The following RIC1 variants were observed in gnomAD, a reference collection of about 807,000 sequenced individuals.
RIC1 encodes the protein guanine nucleotide exchange factor subunit RIC1.
RIC1 carries 88 observed loss-of-function variants against 169.0 expected under a neutral mutation model. That is an observed-to-expected ratio of 0.52 (90% CI 0.44 to 0.62). RIC1 has a LOEUF of 0.62. Ranked by LOEUF, RIC1 falls within the 20% of genes least tolerant of loss-of-function variation. RIC1 has a pLI of 0.00. For missense variants in RIC1, 1,877 were observed against 1,725.5 expected (o/e 1.09, Z -1.56); for synonymous variants, 790 against 601.5 (o/e 1.31, Z -4.59).
At chr9:5,723,968 A>T (rs1381731840) in intron 6 of RIC1, among the ~76,000 whole-genome samples, 3 of 152,078 alleles carry the variant, frequency 2.0e-5, no homozygotes, top group African/African-American at 4.8e-5. Flanking sequence ...GTAGCCTTGT[A>T]GTATAGTTTG....
At chr9:5,742,821 T>A (rs747110437) in intron 8 of RIC1, 48 bp from the exon 9 acceptor site, 8 of 1,451,962 alleles carry the variant, frequency 5.5e-6, no homozygotes, top group Non-Finnish European at 7.5e-6. Context: ...AAACAAGTAT[T>A]TCTGAAGCAA....
intron 6 of RIC1, among the ~76,000 whole-genome samples, chr9:5,722,784 A>T (rs1331585712): frequency 1.3e-5 from 2 of 150,688 alleles, no homozygotes; most frequent in African/African-American, 2.4e-5. Context: ...TTCAATTCCC[A>T]CCTATGAATC....
intron 12 of RIC1, among the ~76,000 whole-genome samples, chr9:5,749,365 A>G (rs1035292445): frequency 6.6e-6 from 1 of 152,194 alleles, no homozygotes. Context: ...GGCAGTATAC[A>G]GTGTCTATAT....
In RIC1 at chr9:5,773,068, C is replaced by T. The variant is rs1473453001; in HGVS notation, c.3971C>T (p.Ala1324Val). ...GGGCTCCATGCAGTGGACCGATGGG[C>T]CTCTACAGACTGGTAAGTGCTGCTT... ...KTGLHAVDRW[A>V]STDCPGYKPF... The change falls in exon 25 of 26, where the codon GCC (alanine) becomes GTC (valine). Residue 1324 changes from alanine (A) to valine (V), a missense_variant. Physicochemically the swap from Ala to Val is moderately conservative, Grantham distance 64 (BLOSUM62 0). Transcript: ENST00000414202. 4 of 1,607,780 alleles carry T rather than the reference C, an allele frequency of 2.5e-6. No homozygotes were observed. The highest frequency in any genetic ancestry group is 2.2e-5 in the East Asian group (1 of 44,788).
chr9:5,655,509 C>T (rs1819041974), intron 1 of RIC1, among the ~76,000 whole-genome samples: 1 of 152,126 alleles, frequency 6.6e-6, no homozygotes, highest in Non-Finnish European at 1.5e-5. Context: ...CCATATTGGC[C>T]AGGCTGGTCG....
intron 22 of RIC1, 152 bp downstream of exon 22, chr9:5,769,408 C>A: frequency 6.4e-7 from 1 of 1,564,530 alleles, no homozygotes; most frequent in African/African-American, 1.4e-5. Context: ...GTTGGAATGC[C>A]CACTGTTTGA....
At chr9:5,739,026 A>G (rs1419083642) in intron 8 of RIC1, among the ~76,000 whole-genome samples, 1 of 152,100 alleles carries the variant, frequency 6.6e-6, no homozygotes, top group African/African-American at 2.4e-5. Flanking sequence ...CCACTGTTAG[A>G]TCTGACATAC....
At chr9:5,666,047 G>T (rs1199930557) in intron 2 of RIC1, among the ~76,000 whole-genome samples, 1 of 152,182 alleles carries the variant, frequency 6.6e-6, no homozygotes, top group African/African-American at 2.4e-5. Flanking sequence ...CTGAATGCCA[G>T]TGTGGCAGCC....
At chr9:5,670,719 A>G (rs1820038313) in intron 2 of RIC1, among the ~76,000 whole-genome samples, 2 of 152,206 alleles carry the variant, frequency 1.3e-5, no homozygotes. Flanking sequence ...AATACAATTG[A>G]TTTATCAAGA....
intron 2 of RIC1, among the ~76,000 whole-genome samples, chr9:5,678,737 G>T (rs897149329): frequency 6.6e-6 from 1 of 152,146 alleles, no homozygotes; most frequent in African/African-American, 2.4e-5. Flanking sequence ...GTAGATTCTG[G>T]ATATTAGCCC....
Position 5,656,709 on chromosome 9 carries a change from TA to T in RIC1, c.252+22del. The T allele has an allele frequency of 7.4e-7, 1 of 1,342,430 alleles. No homozygotes were observed. Among genetic ancestry groups the T allele is most frequent in the Non-Finnish European group, 1.1e-6 (1 of 948,644 alleles). 83.2% of individuals were successfully genotyped at this position (1,342,430 alleles called of 1,614,324 possible). ...TGTATCAGTAAGTAGATTTTACCGC[TA>T]AATAGTGTTTTCTTATGAAATCATT... On this transcript the variant is annotated intron_variant, in intron 2 of 25. Transcript: ENST00000414202.
chr9:5,635,997 C>G (rs528287749), intron 1 of RIC1, among the ~76,000 whole-genome samples: 3 of 152,298 alleles, frequency 2.0e-5, no homozygotes, highest in East Asian at 1.9e-4. Context: ...TGTGACACTT[C>G]CAGCTTTGTT....
intron 12 of RIC1, among the ~76,000 whole-genome samples, chr9:5,749,040 G>A (rs1825562090): frequency 6.6e-6 from 1 of 152,136 alleles, no homozygotes; most frequent in Non-Finnish European, 1.5e-5. Flanking sequence ...AATTTTTCAA[G>A]CTGGAAGGAC....
chr9:5,631,189 T>C (rs1422461454), intron 1 of RIC1, among the ~76,000 whole-genome samples: 1 of 152,214 alleles, frequency 6.6e-6, no homozygotes, highest in African/African-American at 2.4e-5. Flanking sequence ...ACATACGACA[T>C]CTAGAAATCC....
chr9:5,720,273 G>C lies in RIC1; in HGVS notation c.532G>C (p.Ala178Pro). ...GGAAGGAATGACAAATGGAAGGAAA[G>C]CCATTAATCTTTGCACAGTACCCTT... Reference protein sequence around the residue: ...HWEGMTNGRKAINLCTVPFSV... With the variant: ...HWEGMTNGRKPINLCTVPFSV... Residue 178 changes from alanine (A) to proline (P), a missense_variant, in exon 5 of 26, where the codon GCC becomes CCC. By Grantham distance (27) the Ala-to-Pro change is conservative. Transcript: ENST00000414202. 1 of 1,613,716 alleles carries C rather than the reference G, an allele frequency of 6.2e-7. No individual in the cohort carries two copies. The highest frequency in any genetic ancestry group is 1.1e-5 in the South Asian group (1 of 91,040).
intron 2 of RIC1, among the ~76,000 whole-genome samples, chr9:5,683,913 C>T (rs987612000): frequency 1.1e-4 from 17 of 152,138 alleles, no homozygotes; most frequent in African/African-American, 2.9e-4. Context: ...TAGCAATGAG[C>T]GAGGCTCCGT....
At chr9:5,667,350 A>G (rs561584452) in intron 2 of RIC1, among the ~76,000 whole-genome samples, 5 of 152,060 alleles carry the variant, frequency 3.3e-5, no homozygotes, top group South Asian at 2.1e-4. Context: ...GTTAAAGTGT[A>G]TTTTCTTTAT....
intron 1 of RIC1, among the ~76,000 whole-genome samples, chr9:5,631,163 G>T (rs533039894): frequency 6.6e-6 from 1 of 152,288 alleles, no homozygotes; most frequent in Non-Finnish European, 1.5e-5. Context: ...CATGTCTATT[G>T]TTTGGTTTTG....
chr9:5,754,805 C>G (rs575645832), intron 14 of RIC1, 36 bp from the exon 15 acceptor site: 1 of 1,220,484 alleles, frequency 8.2e-7, no homozygotes, highest in Non-Finnish European at 1.2e-6. Context: ...TTTCTGGTAG[C>G]ATAAGGTAAA....
Sources: gnomAD v4.1 joint callset for allele counts (sites outside exome capture counted in the v4.1 genomes callset) on GRCh38, gnomAD v4.1.1 for gene constraint, MANE v1.5 for transcripts, NCBI Gene and HGNC (gene_info 2026-07-23, HGNC 2026-07-21) for gene names.